The following PWWP2B variants were observed in gnomAD, a reference collection of about 807,000 sequenced individuals.
The protein encoded by PWWP2B is PWWP domain-containing protein 2B.
PWWP2B carries 9 observed loss-of-function variants against 15.5 expected under a neutral mutation model. That is an observed-to-expected ratio of 0.58 (90% confidence interval 0.35 to 1.02). The LOEUF (loss-of-function observed/expected upper bound fraction) is 1.02. Ranked by LOEUF, PWWP2B falls within the 50% of genes least tolerant of loss-of-function variation. The pLI, the probability that PWWP2B is intolerant of heterozygous loss-of-function variation, is 0.02. For missense variants in PWWP2B, 864 were observed against 865.3 expected, an observed-to-expected ratio of 1.00 and a Z score of 0.02; for synonymous variants, 474 against 403.6, an observed-to-expected ratio of 1.17 and a Z score of -2.09.
At position 132,403,990 on chromosome 10, in the gene PWWP2B, CGTAGGACGGCATTCTCCAGGGCTCCT is replaced by C. The variant is rs1252328242; in HGVS notation, c.126-634_126-609del. On this transcript the variant is annotated intron_variant, in intron 1 of 2. Transcript: ENST00000305233. ...CGTCATGCACCTGGAACCCTGCTCC[CGTAGGACGGCATTCTCCAGGGCTCCT>C]GCAGGACGGCATTCTCCAGGGCTCC... Among the ~76,000 whole-genome samples, 189 of 85,846 alleles carry C rather than the reference CGTAGGACGGCATTCTCCAGGGCTCCT, an allele frequency of 2.2e-3. 1 individual carries two copies. The highest frequency in any genetic ancestry group is 6.2e-3 in the African/African-American group (184 of 29,614). The allele number at this position is 85,846 out of a possible 152,430, so 56.3% of individuals were successfully genotyped here. A position where few individuals can be genotyped will look rare whatever the true frequency, so the allele number is the denominator to read the frequency against.
chr10:132,412,421 G>A (rs529916025), intron 2 of PWWP2B, among the ~76,000 whole-genome samples: 6 of 152,324 alleles, frequency 3.9e-5, no homozygotes, highest in African/African-American at 1.4e-4. Context: ...TGGGAGTGGA[G>A]GGTGGGACTT....
Position 132,406,169 on chromosome 10 carries a change from C to G in PWWP2B, c.1669C>G (p.Arg557Gly). 6.2e-7 allele frequency: 1 copy of G among 1,613,494 alleles called. No homozygotes were observed. Among genetic ancestry groups the G allele is most frequent in the East Asian group, 2.2e-5 (1 of 44,886 alleles). ...FSEFFKLRFN[R>G]KKKGMYRKAI... ...TGAATTTTTCAAACTGAGATTTAAT[C>G]GTAAGAAGAAGGGGATGTATCGGAA... Residue 557 changes from arginine to glycine, a missense_variant, in exon 2 of 3, where the codon CGT (arginine) becomes GGT (glycine). Physicochemically the swap from Arg to Gly is moderately radical, Grantham distance 125. Around this residue, in one of 2 missense-constraint regions of PWWP2B, gnomAD observed 128 missense variants for 177.6 expected, o/e 0.72. Transcript: ENST00000305233.
In PWWP2B at chr10:132,405,354, C is replaced by A; in HGVS notation, c.854C>A (p.Ala285Asp). 2 of 1,611,356 alleles carry A rather than the reference C, an allele frequency of 1.2e-6. No homozygotes were observed. The highest frequency in any genetic ancestry group is 1.1e-5 in the South Asian group (1 of 91,036). The change falls in exon 2 of 3, where the codon GCC (alanine) becomes GAC (aspartate). Residue 285 changes from alanine to aspartate, a missense_variant. This residue lies in a region of PWWP2B where 736 missense variants were observed against 687.7 expected (regional missense o/e 1.07). Transcript: ENST00000305233. ...CTGGAGCCCTTCCGTCCCCAGCAGG[C>A]CCCGCAGGACGACGGCAGCCAGGAC... is the stretch of plus-strand genomic sequence containing the variant. ...GSLEPFRPQQ[A>D]PQDDGSQDPE...
rs776704317 is a variant in PWWP2B at position 132,405,865 on chromosome 10, C to G, written c.1365C>G (p.Pro455=). The part of the protein sequence containing the change: ...DLSPGHGASA[P]SVSREARQTV... ...CGCCTGGCCACGGCGCGTCAGCGCC[C>G]TCGGTGTCCAGAGAGGCTCGCCAAA... The change falls in exon 2 of 3, where the codon CCC becomes CCG. Residue 455 remains proline (P), a synonymous_variant. Transcript: ENST00000305233. 14 of 1,611,632 alleles carry G rather than the reference C, an allele frequency of 8.7e-6. No homozygotes were observed. The South Asian group carries it at 1.5e-4, about 18-fold the overall frequency.
intron 2 of PWWP2B, among the ~76,000 whole-genome samples, chr10:132,413,736 T>G (rs1040910606): frequency 2.0e-5 from 3 of 152,186 alleles, no homozygotes; most frequent in Non-Finnish European, 4.4e-5. Context: ...CTCGCCTCCT[T>G]GTGATGTGCA....
chr10:132,411,759 G>T (rs939446459), intron 2 of PWWP2B, among the ~76,000 whole-genome samples: 25 of 152,270 alleles, frequency 1.6e-4, no homozygotes, highest in Non-Finnish European at 3.2e-4. Context: ...GAGTCTCCGG[G>T]CCAGAAGCAG....
Position 132,417,368 on chromosome 10 carries a change from G to T in PWWP2B, c.*324G>T. 2.1e-6 allele frequency: 1 copy of T among 486,238 alleles called. No individual in the cohort carries two copies. The highest frequency in any genetic ancestry group is 3.7e-6 in the Non-Finnish European group (1 of 271,366). 30.1% of individuals were successfully genotyped at this position (486,238 alleles called of 1,614,324 possible). ...CGCGCTGGGGTTCCATGGAGGAACTGGGCCTGCCGCCCCGGCCTCACCTGC... is the reference window on the plus strand; with the variant it reads ...CGCGCTGGGGTTCCATGGAGGAACTTGGCCTGCCGCCCCGGCCTCACCTGC... On this transcript the variant is annotated 3_prime_UTR_variant, in exon 3 of 3. Coordinates refer to ENST00000305233, the MANE Select transcript of PWWP2B (RefSeq NM_138499.4).
chr10:132,415,304 ACT>A (rs1220822915), intron 2 of PWWP2B, among the ~76,000 whole-genome samples: 3 of 147,460 alleles, frequency 2.0e-5, no homozygotes, highest in South Asian at 2.2e-4. Flanking sequence ...ATCCACTCAC[ACT>A]CACACACATC....
chr10:132,415,248 T>TCA (rs534597030), intron 2 of PWWP2B, among the ~76,000 whole-genome samples: 1 of 142,834 alleles, frequency 7.0e-6, no homozygotes, highest in Non-Finnish European at 1.5e-5. Flanking sequence ...ACACATCCAC[T>TCA]CACACACACA....
At chr10:132,414,230 A>G (rs933773465) in intron 2 of PWWP2B, among the ~76,000 whole-genome samples, 1 of 152,214 alleles carries the variant, frequency 6.6e-6, no homozygotes, top group Non-Finnish European at 1.5e-5. Context: ...AAGGCCCGTT[A>G]CACATGTTTC....
intron 2 of PWWP2B, among the ~76,000 whole-genome samples, chr10:132,415,557 A>G (rs1296909467): frequency 7.3e-6 from 1 of 136,952 alleles, no homozygotes; most frequent in East Asian, 2.0e-4. Context: ...ACACATTCAC[A>G]CAAACACACA....
intron 1 of PWWP2B, among the ~76,000 whole-genome samples, chr10:132,403,213 C>T (rs762928035): frequency 6.6e-6 from 1 of 152,164 alleles, no homozygotes; most frequent in Non-Finnish European, 1.5e-5. Flanking sequence ...CCACCCCCAC[C>T]CACCACAGAG....
At chr10:132,413,450 G>A (rs1057128714) in intron 2 of PWWP2B, among the ~76,000 whole-genome samples, 12 of 152,316 alleles carry the variant, frequency 7.9e-5, no homozygotes, top group Middle Eastern at 6.8e-3. Context: ...TTTTTGTCCT[G>A]GGGTCTGGCC....
chr10:132,411,306 C>T (rs776719239), intron 2 of PWWP2B, among the ~76,000 whole-genome samples: 9 of 152,246 alleles, frequency 5.9e-5, no homozygotes, highest in Non-Finnish European at 1.2e-4. Context: ...TCTGGGGACC[C>T]GTAGATAGCG....
chr10:132,411,236 G>A (rs1398880113), intron 2 of PWWP2B, among the ~76,000 whole-genome samples: 1 of 152,192 alleles, frequency 6.6e-6, no homozygotes, highest in Non-Finnish European at 1.5e-5. Context: ...TGACCACGTC[G>A]CCCCAGGCTC....
At position 132,405,989 on chromosome 10, in the gene PWWP2B, A is replaced by G; in HGVS notation, c.1489A>G (p.Lys497Glu). Reference sequence around the variant, plus strand: ...GGCCGTGGGGGACATCGTCTGGGGTAAGATCCATGGTTTTCCTTGGTGGCC... The same window carrying G: ...GGCCGTGGGGGACATCGTCTGGGGTGAGATCCATGGTTTTCCTTGGTGGCC... ...TVAVGDIVWG[K>E]IHGFPWWPAR... Residue 497 changes from lysine (K) to glutamate (E), a missense_variant, in exon 2 of 3, where the codon AAG (lysine) becomes GAG (glutamate). By Grantham distance (56) the Lys-to-Glu change is moderately conservative (BLOSUM62 1). Transcript: ENST00000305233. 1 of 1,613,574 alleles carries G rather than the reference A, an allele frequency of 6.2e-7. No individual in the cohort carries two copies. The highest frequency in any genetic ancestry group is 8.5e-7 in the Non-Finnish European group (1 of 1,179,994).
At position 132,406,087 on chromosome 10, in the gene PWWP2B, G is replaced by A. The variant is rs577748489; in HGVS notation, c.1587G>A (p.Ser529=). Residue 529 remains serine, a synonymous_variant, in exon 2 of 3, where the codon TCG becomes TCA. Transcript: ENST00000305233. ...CGTCTTGGCGAGAAGCGAAGGTCTC[G>A]TGGTTTGGTTCTCCGACTACGTCGT... ...GEPSWREAKV[S]WFGSPTTSFL... 1.7e-5 allele frequency: 28 copies of A among 1,613,748 alleles called. No individual in the cohort carries two copies. The highest frequency in any genetic ancestry group is 1.5e-4 in the African/African-American group (11 of 75,066).
At chr10:132,415,633 TCACA>T (rs879312172) in intron 2 of PWWP2B, among the ~76,000 whole-genome samples, 1 of 132,660 alleles carries the variant, frequency 7.5e-6, no homozygotes, top group Non-Finnish European at 1.6e-5. Context: ...ACACATCCAC[TCACA>T]CACCCACTCA....
chr10:132,417,183 GC>G lies in PWWP2B; in HGVS notation c.*145del, dbSNP rs2069870604. On this transcript the variant is annotated 3_prime_UTR_variant, in exon 3 of 3. Transcript: ENST00000305233. ...GGCACGGTGGTCGGCCTGGTGTGAG[GC>G]CCCCCGGGGACCGGCAGTGTGTCCA... 2 of 1,292,086 alleles carry G rather than the reference GC, an allele frequency of 1.5e-6. No individual in the cohort carries two copies. Among genetic ancestry groups the G allele is most frequent in the Non-Finnish European group, 2.2e-6 (2 of 892,850 alleles). 80.0% of individuals were successfully genotyped at this position (1,292,086 alleles called of 1,614,324 possible). A position where few individuals can be genotyped will look rare whatever the true frequency, so the allele number is the denominator to read the frequency against.
Sources: allele counts gnomAD v4.1 joint callset (sites outside exome capture counted in the v4.1 genomes callset), GRCh38; gene constraint gnomAD v4.1.1; regional missense constraint gnomAD v4.1.1; transcripts MANE v1.5; gene names NCBI Gene and HGNC (gene_info 2026-07-23, HGNC 2026-07-21).